The following MROH7 variants were observed in gnomAD, a reference collection of about 807,000 sequenced individuals.
The protein encoded by MROH7 is maestro heat like repeat family member 7, also known as maestro heat-like repeat-containing protein family member 7.
A neutral mutation model predicts 129.2 loss-of-function variants in MROH7; 113 were observed. The ratio of observed to expected loss-of-function variants is 0.87; its 90% confidence interval spans 0.75 to 1.02. MROH7 has a LOEUF of 1.02. Among genes scored for constraint, MROH7 ranks in the 50% least tolerant of loss-of-function variants. The pLI is 0.00. For missense variants in MROH7, 1,601 were observed against 1,671.3 expected, an observed-to-expected ratio of 0.96 and a Z score of 0.73; for synonymous variants, 655 against 667.9, an observed-to-expected ratio of 0.98 and a Z score of 0.30.
At chr1:54,682,162 T>TTC (rs1242417873) in intron 13 of MROH7, among the ~76,000 whole-genome samples, 6 of 31,996 alleles carry the variant, frequency 1.9e-4, no homozygotes, top group African/African-American at 3.0e-4. Flanking sequence ...CTTTCTTTCT[T>TTC]TTTTTTTTTT....
intron 15 of MROH7, among the ~76,000 whole-genome samples, chr1:54,687,701 G>C (rs1304212689): frequency 5.9e-5 from 9 of 152,096 alleles, no homozygotes; most frequent in Non-Finnish European, 1.3e-4. Context: ...CTCCCACAGA[G>C]AGCACTGCCA....
In MROH7 at chr1:54,710,058, C is replaced by T. The variant is rs1158219240; in HGVS notation, c.3843C>T (p.Asn1281=). 5.6e-6 allele frequency: 9 copies of T among 1,614,152 alleles called. No homozygotes were observed. Among genetic ancestry groups the T allele is most frequent in the Non-Finnish European group, 7.6e-6 (9 of 1,180,026 alleles). The change falls in exon 24 of 24, where the codon AAC becomes AAT. Residue 1281 remains asparagine, a synonymous_variant. Transcript: ENST00000421030. ...AGAACTCCTGGCTGCCGCACGGGAACTCATGGGTGTGTTACTCAGCCACCA... is the reference window on the plus strand; with the variant it reads ...AGAACTCCTGGCTGCCGCACGGGAATTCATGGGTGTGTTACTCAGCCACCA... The part of the protein sequence containing the change: ...CWQNSWLPHG[N]SWVCYSATTH...
At chr1:54,654,738 C>A (rs1458320357) in intron 3 of MROH7, among the ~76,000 whole-genome samples, 1 of 152,138 alleles carries the variant, frequency 6.6e-6, no homozygotes, top group African/African-American at 2.4e-5. Flanking sequence ...ATTGTATCAA[C>A]AAACTATCCC....
In MROH7 at chr1:54,653,982, G is replaced by T. The variant is rs374533150; in HGVS notation, c.1056G>T (p.Thr352=). 6.2e-7 allele frequency: 1 copy of T among 1,614,084 alleles called. No homozygotes were observed. Among genetic ancestry groups the T allele is most frequent in the African/African-American group, 1.3e-5 (1 of 74,932 alleles). The part of the protein sequence containing the change: ...SLLFSDTSTL[T]LSSQQDDAKD... ...TGTTCAGCGACACCTCCACCTTGACGCTGAGCAGTCAGCAGGATGATGCCA... is the reference window on the plus strand; with the variant it reads ...TGTTCAGCGACACCTCCACCTTGACTCTGAGCAGTCAGCAGGATGATGCCA... The change falls in exon 3 of 24, where the codon ACG becomes ACT. Residue 352 remains threonine (T), a synonymous_variant. Transcript: ENST00000421030.
intron 3 of MROH7, among the ~76,000 whole-genome samples, chr1:54,659,880 A>T (rs1053182486): frequency 2.0e-5 from 3 of 152,148 alleles, no homozygotes; most frequent in African/African-American, 7.2e-5. Context: ...GATATACCAC[A>T]GTTTGTTTAT....
intron 14 of MROH7, among the ~76,000 whole-genome samples, chr1:54,684,706 A>G (rs1443248848): frequency 6.6e-6 from 1 of 152,152 alleles, no homozygotes; most frequent in Non-Finnish European, 1.5e-5. Context: ...AGTCCAAGAG[A>G]CTTGTCTTAG....
At chr1:54,672,708 C>T (rs1168801551) in intron 7 of MROH7, among the ~76,000 whole-genome samples, 2 of 152,168 alleles carry the variant, frequency 1.3e-5, no homozygotes, top group Non-Finnish European at 2.9e-5. Context: ...TGACTTGAAA[C>T]TTCTTGTTCT....
intron 4 of MROH7, among the ~76,000 whole-genome samples, chr1:54,666,329 A>G (rs372447385): frequency 1.3e-4 from 20 of 151,972 alleles, no homozygotes; most frequent in Non-Finnish European, 1.8e-4. Context: ...CTGCCCCCCA[A>G]TGAGGGCTCA....
rs1645459536 is a variant in MROH7 at position 54,702,668 on chromosome 1, G to A, written c.3487G>A (p.Glu1163Lys). Residue 1163 changes from glutamate (E) to lysine (K), a missense_variant, in exon 21 of 24, where the codon GAG becomes AAG. Transcript: ENST00000421030. ...LLRCSYFMAW[E>K]LPKRAYSRKP... ...ACGCTGTTCTTACTTCATGGCTTGG[G>A]AGTTGCCAAAAAGAGCTTATAGCCG... 3.1e-6 allele frequency: 5 copies of A among 1,613,820 alleles called. No individual in the cohort carries two copies. Among genetic ancestry groups the A allele is most frequent in the Non-Finnish European group, 4.2e-6 (5 of 1,179,872 alleles).
chr1:54,701,014 GA>G, intron 18 of MROH7, 128 bp from the exon 19 acceptor site: 1 of 977,496 alleles, frequency 1.0e-6, no homozygotes, highest in East Asian at 2.6e-5. Context: ...AGGCAGGTGG[GA>G]TGGCATAGGC....
At chr1:54,708,131 G>C (rs1243850896) in intron 22 of MROH7, among the ~76,000 whole-genome samples, 1 of 152,172 alleles carries the variant, frequency 6.6e-6, no homozygotes, top group East Asian at 1.9e-4. Flanking sequence ...AGGGAAAGAA[G>C]TGAGGCGCCA....
Position 54,673,101 on chromosome 1 carries a change from A to C in MROH7, c.1610A>C (p.His537Pro). The change falls in exon 8 of 24, where the codon CAT (histidine) becomes CCT (proline). Residue 537 changes from histidine (H) to proline (P), a missense_variant. By Grantham distance (77) the His-to-Pro change is moderately conservative. Coordinates refer to ENST00000421030, the MANE Select transcript of MROH7 (RefSeq NM_001039464.4). Reference protein sequence around the residue: ...AKAETIQALYHQTLEALQTLL... With the variant: ...AKAETIQALYPQTLEALQTLL... The stretch of plus-strand genomic sequence containing the variant: ...TCCTCCCATCCACAGGCTCTTTACC[A>C]TCAGACCCTGGAGGCCCTGCAGACA... 1 of 1,613,344 alleles carries C rather than the reference A, an allele frequency of 6.2e-7. No homozygotes were observed. The highest frequency in any genetic ancestry group is 2.2e-5 in the East Asian group (1 of 44,856).
intron 17 of MROH7, chr1:54,697,265 A>G (rs1645338773): frequency 5.5e-6 from 1 of 181,068 alleles, no homozygotes; most frequent in South Asian, 1.8e-4. Context: ...CAAATGAACA[A>G]GAGGCAGCAT....
rs1369931123 is a variant in MROH7, at chr1:54,679,386, G to A, written c.2173G>A (p.Glu725Lys). ...DSREMMQLAS[E>K]VMLSSVLEWY... Reference sequence around the variant, plus strand: ...CAGGGAGATGATGCAGCTGGCCTCGGAGGTCATGCTCAGCTCGGTGCTGGA... The same window carrying A: ...CAGGGAGATGATGCAGCTGGCCTCGAAGGTCATGCTCAGCTCGGTGCTGGA... Residue 725 changes from glutamate to lysine, a missense_variant, in exon 12 of 24, where the codon GAG (glutamate) becomes AAG (lysine). Coordinates refer to ENST00000421030, the MANE Select transcript of MROH7 (RefSeq NM_001039464.4). 3.1e-6 allele frequency: 5 copies of A among 1,614,028 alleles called. No homozygotes were observed. Among genetic ancestry groups the A allele is most frequent in the Non-Finnish European group, 3.4e-6 (4 of 1,180,038 alleles).
chr1:54,693,740 A>T (rs1036918461), intron 16 of MROH7, among the ~76,000 whole-genome samples: 1 of 152,166 alleles, frequency 6.6e-6, no homozygotes, highest in Non-Finnish European at 1.5e-5. Flanking sequence ...CTGTACCCTG[A>T]GTGCCCCGGG....
intron 15 of MROH7, among the ~76,000 whole-genome samples, chr1:54,691,917 C>G (rs1645247132): frequency 7.3e-6 from 1 of 136,786 alleles, no homozygotes; most frequent in Non-Finnish European, 1.5e-5. Context: ...CAGTGCGGTG[C>G]CAGGCATACA....
At chr1:54,696,488 C>G (rs1645324115) in intron 17 of MROH7, among the ~76,000 whole-genome samples, 1 of 152,016 alleles carries the variant, frequency 6.6e-6, no homozygotes, top group Admixed American at 6.6e-5. Context: ...CGTTCCATTC[C>G]CTCAGCCCCT....
chr1:54,651,117 C>T lies in MROH7; in HGVS notation c.-109-832C>T, dbSNP rs2840116. ...CCACCACTGTGTGGTTCTGTCCTCA[C>T]CCCTTGCCAAAAGAAATTAAAAACA... On this transcript the variant is annotated intron_variant, in intron 1 of 23. Transcript: ENST00000421030. 6.1e-3 allele frequency: 933 copies of T among 152,380 alleles called. 6 individuals carry two copies. The highest frequency in any genetic ancestry group is 9.8e-3 in the Non-Finnish European group (669 of 68,084). The allele number at this position is 152,380 out of a possible 1,614,324, so 9.4% of individuals were successfully genotyped here.
At position 54,692,396 on chromosome 1, in the gene MROH7, T is replaced by G. The variant is rs1193570702; in HGVS notation, c.2712-28T>G. 3.7e-6 allele frequency: 6 copies of G among 1,612,166 alleles called. No individual in the cohort carries two copies. The South Asian group carries it at 4.4e-5, about 12-fold the overall frequency. ...TGGCCTGCTAGGGCCCAGGTAGGCA[T>G]GAGGTCTTAATTGCCTTGTCTTGGC... On this transcript the variant is annotated intron_variant, in intron 15 of 23. Transcript: ENST00000421030.
Sources: allele counts gnomAD v4.1 joint callset (sites outside exome capture counted in the v4.1 genomes callset), GRCh38; gene constraint gnomAD v4.1.1; transcripts MANE v1.5; gene names NCBI Gene and HGNC (gene_info 2026-07-23, HGNC 2026-07-21).